SYNPO2: variants seen among roughly 807,000 people sequenced by gnomAD.
The protein encoded by SYNPO2 is synaptopodin-2.
In SYNPO2, 56 loss-of-function variants were observed where a neutral mutation model predicts 85.0. The ratio of observed to expected loss-of-function variants is 0.66; its 90% CI spans 0.53 to 0.82. SYNPO2 has a LOEUF of 0.82. Ranked by LOEUF, SYNPO2 falls within the 40% of genes least tolerant of loss-of-function variation. SYNPO2 has a pLI of 0.00. For missense variants in SYNPO2, 1,575 were observed against 1,534.2 expected (o/e 1.03, Z -0.44); for synonymous variants, 602 against 591.1 (o/e 1.02, Z -0.27).
intron 1 of SYNPO2, among the ~76,000 whole-genome samples, chr4:119,014,772 C>G (rs977728016): frequency 2.0e-5 from 3 of 152,150 alleles, no homozygotes. Context: ...TGAAAGTGAT[C>G]ATTTAAACCA....
At chr4:118,943,711 G>C (rs1347512197) in intron 1 of SYNPO2, among the ~76,000 whole-genome samples, 1 of 152,140 alleles carries the variant, frequency 6.6e-6, no homozygotes, top group African/African-American at 2.4e-5. Context: ...GATGAATAAG[G>C]AAAGTCATCC....
chr4:118,977,341 G>C (rs781015037), intron 1 of SYNPO2, among the ~76,000 whole-genome samples: 1 of 152,210 alleles, frequency 6.6e-6, no homozygotes, highest in Non-Finnish European at 1.5e-5. Flanking sequence ...CAGCTGCTCC[G>C]AGTGCGGGGC....
chr4:119,035,112 T>A, intron 4 of SYNPO2: 15 of 985,464 alleles, frequency 1.5e-5, no homozygotes, highest in Non-Finnish European at 1.8e-5. Context: ...CCAAATCCAC[T>A]GCATGGTTTA....
At chr4:118,979,439 A>G (rs1177293593) in intron 1 of SYNPO2, among the ~76,000 whole-genome samples, 1 of 152,198 alleles carries the variant, frequency 6.6e-6, no homozygotes, top group African/African-American at 2.4e-5. Context: ...CTCAGCTCTA[A>G]GTCAGAATCA....
At chr4:119,056,384 T>C (rs1739205182) in intron 4 of SYNPO2, among the ~76,000 whole-genome samples, 1 of 151,868 alleles carries the variant, frequency 6.6e-6, no homozygotes. Context: ...GGAGATCCTG[T>C]CTGTAAAAAA....
chr4:119,032,360 A>G (rs1738311679), intron 4 of SYNPO2: 4 of 1,230,696 alleles, frequency 3.3e-6, no homozygotes, highest in Non-Finnish European at 4.1e-6. Context: ...AAAGACAGTG[A>G]TCAGTGATAT....
chr4:118,945,204 A>T (rs550979951), intron 1 of SYNPO2, among the ~76,000 whole-genome samples: 1 of 152,302 alleles, frequency 6.6e-6, no homozygotes, highest in Non-Finnish European at 1.5e-5. Context: ...TGTCTTTTTA[A>T]CTTATTTCCT....
intron 4 of SYNPO2, chr4:119,034,198 T>C (rs915513423): frequency 2.0e-6 from 2 of 985,348 alleles, no homozygotes; most frequent in African/African-American, 3.5e-5. Context: ...AGGCTTCTTA[T>C]GGTGCAGCAG....
At chr4:118,925,925 C>A (rs573248415) in intron 1 of SYNPO2, among the ~76,000 whole-genome samples, 2 of 152,034 alleles carry the variant, frequency 1.3e-5, no homozygotes. Flanking sequence ...TTAAAATAAA[C>A]GTCTAAGAAG....
chr4:118,871,085 G>A (rs1731790366), intron 1 of SYNPO2, among the ~76,000 whole-genome samples: 1 of 152,124 alleles, frequency 6.6e-6, no homozygotes, highest in African/African-American at 2.4e-5. Context: ...TGTAAAGAAT[G>A]TATACCCAGC....
chr4:118,852,768 A>G (rs1050085348), intron 1 of SYNPO2, among the ~76,000 whole-genome samples: 2 of 152,208 alleles, frequency 1.3e-5, no homozygotes, highest in African/African-American at 4.8e-5. Context: ...ACTAATGGGT[A>G]CTAGGCTTAA....
rs565154624 is a variant in SYNPO2 at position 118,869,280 on chromosome 4, A to T, written c.12+18340A>T. Among the ~76,000 whole-genome samples, 127 of 151,814 alleles carry T rather than the reference A, an allele frequency of 8.4e-4. 1 individual carries two copies. The highest frequency in any genetic ancestry group is 3.4e-3 in the Middle Eastern group (1 of 294). Reference sequence around the variant, plus strand: ...TCTATGTTGGTCAGGCTGGTCTCAAACTCTTCACCTCAGGTGATCCTGCCT... The same window carrying T: ...TCTATGTTGGTCAGGCTGGTCTCAATCTCTTCACCTCAGGTGATCCTGCCT... On this transcript the variant is annotated intron_variant, in intron 1 of 4. Coordinates refer to the SYNPO2 transcript ENST00000610556.
intron 1 of SYNPO2, among the ~76,000 whole-genome samples, chr4:118,871,000 C>T (rs1446727512): frequency 6.6e-6 from 1 of 152,252 alleles, no homozygotes; most frequent in Non-Finnish European, 1.5e-5. Context: ...ACACCCAAGA[C>T]TGCAGAAATC....
At chr4:118,880,464 A>G (rs1419605074) in intron 1 of SYNPO2, among the ~76,000 whole-genome samples, 1 of 152,220 alleles carries the variant, frequency 6.6e-6, no homozygotes, top group Admixed American at 6.5e-5. Flanking sequence ...AAATCATAGA[A>G]GGTGGCTGGG....
Position 119,060,511 on chromosome 4 carries a change from T to C in SYNPO2, c.*2577T>C, listed in dbSNP as rs1739378479. 1 of 152,172 alleles carries C rather than the reference T, an allele frequency of 6.6e-6. No individual in the cohort carries two copies. Among genetic ancestry groups the C allele is most frequent in the Non-Finnish European group, 1.5e-5 (1 of 68,012 alleles). The allele number at this position is 152,172 out of a possible 1,614,324, so 9.4% of individuals were successfully genotyped here. Reference sequence around the variant, plus strand: ...AGATTGCTCACATTGAAGCTAATGGTTGAGACAAGACACCTGCCAGAGTGA... The same window carrying C: ...AGATTGCTCACATTGAAGCTAATGGCTGAGACAAGACACCTGCCAGAGTGA... On this transcript the variant is annotated 3_prime_UTR_variant, in exon 5 of 5. Transcript: ENST00000307142.
At chr4:119,011,297 G>A (rs1737292446) in intron 1 of SYNPO2, among the ~76,000 whole-genome samples, 1 of 152,186 alleles carries the variant, frequency 6.6e-6, no homozygotes, top group Admixed American at 6.5e-5. Context: ...CTACTTCGAT[G>A]CATATGTTTA....
At chr4:118,976,491 A>T (rs937911622) in intron 1 of SYNPO2, among the ~76,000 whole-genome samples, 1 of 152,176 alleles carries the variant, frequency 6.6e-6, no homozygotes, top group Non-Finnish European at 1.5e-5. Flanking sequence ...AATGCTGGCT[A>T]GGGCAGCCTG....
At chr4:118,930,706 G>T (rs1413612018) in intron 1 of SYNPO2, among the ~76,000 whole-genome samples, 1 of 149,120 alleles carries the variant, frequency 6.7e-6, no homozygotes, top group African/African-American at 2.5e-5. Context: ...CTTGAGCCCA[G>T]GAGTTCAAGA....
intron 2 of SYNPO2, among the ~76,000 whole-genome samples, chr4:119,024,326 G>T (rs1356784414): frequency 6.6e-6 from 1 of 152,240 alleles, no homozygotes; most frequent in African/African-American, 2.4e-5. Context: ...TCTGGCTATT[G>T]CATGATAATG....
Sources: allele counts gnomAD v4.1 joint callset (sites outside exome capture counted in the v4.1 genomes callset), GRCh38; gene constraint gnomAD v4.1.1; transcripts MANE v1.5; gene names NCBI Gene and HGNC (gene_info 2026-07-23, HGNC 2026-07-21).